ETNK1: variants seen among roughly 807,000 people sequenced by gnomAD.
ETNK1 encodes the protein ethanolamine kinase 1.
In ETNK1, 8 loss-of-function variants were observed where a neutral mutation model predicts 45.1. The observed-to-expected ratio is 0.18, with a 90% CI of 0.10 to 0.32. The LOEUF (loss-of-function observed/expected upper bound fraction) is 0.32, where lower values mean the gene tolerates loss of function less well. ETNK1 is among the 10% of genes least tolerant of loss of function. The probability of loss-of-function intolerance (pLI) is 1.00; values close to 1 mark genes in which losing one functional copy is unlikely to be tolerated. For missense variants in ETNK1, 302 were observed against 430.6 expected, an observed-to-expected ratio of 0.70 and a Z score of 2.64; for synonymous variants, 152 against 151.9, an observed-to-expected ratio of 1.00 and a Z score of -0.01.
intron 1 of ETNK1, among the ~76,000 whole-genome samples, chr12:22,642,267 A>G (rs982094714): frequency 6.6e-6 from 1 of 152,102 alleles, no homozygotes; most frequent in Non-Finnish European, 1.5e-5. Flanking sequence ...GTTACAGAAC[A>G]GCATGTGTGA....
chr12:22,679,075 A>G (rs1034665549), intron 6 of ETNK1, among the ~76,000 whole-genome samples: 1 of 152,202 alleles, frequency 6.6e-6, no homozygotes, highest in African/African-American at 2.4e-5. Flanking sequence ...GTATAAGTGG[A>G]AGGAAGTTTA....
intron 4 of ETNK1, among the ~76,000 whole-genome samples, chr12:22,662,484 T>C (rs1208379007): frequency 1.3e-5 from 2 of 150,498 alleles, no homozygotes; most frequent in Non-Finnish European, 2.9e-5. Context: ...AGCCTTCAAC[T>C]CTTGGGCTCA....
chr12:22,652,070 GACT>G (rs1437849753), intron 2 of ETNK1, among the ~76,000 whole-genome samples: 2 of 152,024 alleles, frequency 1.3e-5, no homozygotes, highest in Non-Finnish European at 2.9e-5. Context: ...CTAGGAATTT[GACT>G]ACTTAGGTAC....
At chr12:22,632,546 G>A (rs543274491) in intron 1 of ETNK1, among the ~76,000 whole-genome samples, 1 of 151,502 alleles carries the variant, frequency 6.6e-6, no homozygotes, top group East Asian at 1.9e-4. Flanking sequence ...GTCTCATACT[G>A]TTATCCAGGC....
intron 1 of ETNK1, among the ~76,000 whole-genome samples, chr12:22,627,190 T>A (rs1189890782): frequency 1.3e-5 from 2 of 151,972 alleles, no homozygotes; most frequent in Admixed American, 1.3e-4. Flanking sequence ...CCATATTAGG[T>A]AGGCACTATC....
At chr12:22,683,525 T>C (rs1240019424) in intron 6 of ETNK1, among the ~76,000 whole-genome samples, 1 of 152,170 alleles carries the variant, frequency 6.6e-6, no homozygotes, top group Non-Finnish European at 1.5e-5. Flanking sequence ...ACAGAATGGC[T>C]AATATTCCCA....
At chr12:22,636,731 A>G (rs1381046270) in intron 1 of ETNK1, among the ~76,000 whole-genome samples, 1 of 152,156 alleles carries the variant, frequency 6.6e-6, no homozygotes, top group Non-Finnish European at 1.5e-5. Context: ...TTTTCTTGTC[A>G]TTATTCCTTA....
At position 22,688,854 on chromosome 12, in the gene ETNK1, A is replaced by G. The variant is rs1954281936; in HGVS notation, c.*3900A>G. 2.0e-5 allele frequency: 3 copies of G among 152,060 alleles called. No homozygotes were observed. 9.4% of individuals were successfully genotyped at this position (152,060 alleles called of 1,614,324 possible). A position where few individuals can be genotyped will look rare whatever the true frequency, so the allele number is the denominator to read the frequency against. The stretch of plus-strand genomic sequence containing the variant: ...ACTGGGAATTTAGTTATGTATTAAG[A>G]TAACCTGTTTTCAGTTCTTTTTGAA... On this transcript the variant is annotated 3_prime_UTR_variant, in exon 8 of 8. Coordinates refer to ENST00000266517, the MANE Select transcript of ETNK1 (RefSeq NM_018638.5).
At chr12:22,637,228 A>G (rs1055343768) in intron 1 of ETNK1, among the ~76,000 whole-genome samples, 1 of 152,198 alleles carries the variant, frequency 6.6e-6, no homozygotes, top group Non-Finnish European at 1.5e-5. Context: ...CATAGAGTTC[A>G]CGTTGTTTGT....
intron 1 of ETNK1, among the ~76,000 whole-genome samples, chr12:22,638,255 GTT>G (rs35937176): frequency 3.6e-4 from 51 of 142,922 alleles, no homozygotes; most frequent in African/African-American, 8.9e-4. Context: ...TTAAGGTGGG[GTT>G]TTTTTTTTTT....
chr12:22,659,199 C>T (rs1473103310), intron 3 of ETNK1, 45 bp downstream of exon 3: 1 of 1,558,412 alleles, frequency 6.4e-7, no homozygotes, highest in East Asian at 2.3e-5. Context: ...CATTGCTTTG[C>T]TCTATGATAG....
chr12:22,630,462 A>C (rs1953561780), intron 1 of ETNK1, among the ~76,000 whole-genome samples: 1 of 152,174 alleles, frequency 6.6e-6, no homozygotes, highest in Non-Finnish European at 1.5e-5. Flanking sequence ...TAAGCTTTGA[A>C]GGGTAGATGA....
Position 22,643,791 on chromosome 12 carries a change from T to G in ETNK1, c.185T>G (p.Leu62Arg). The change falls in exon 2 of 8, where the codon CTT becomes CGT. Residue 62 changes from leucine to arginine, a missense_variant. Physicochemically the swap from Leu to Arg is moderately radical, Grantham distance 102. Around this residue, in one of 3 missense-constraint regions of ETNK1, gnomAD observed 205 missense variants for 259.9 expected, o/e 0.79. Transcript: ENST00000266517. Reference sequence around the variant, plus strand: ...TTCACAGATGGAATCACAAATAAACTTATTGGCTGTTACGTGGGAAACACC... The same window carrying G: ...TTCACAGATGGAATCACAAATAAACGTATTGGCTGTTACGTGGGAAACACC... ...QLFTDGITNKLIGCYVGNTME... is the reference protein window; with the variant it reads ...QLFTDGITNKRIGCYVGNTME... 1 of 1,612,718 alleles carries G rather than the reference T, an allele frequency of 6.2e-7. No individual in the cohort carries two copies. The highest frequency in any genetic ancestry group is 8.5e-7 in the Non-Finnish European group (1 of 1,179,122).
chr12:22,637,895 TAAG>T (rs978760585), intron 1 of ETNK1, among the ~76,000 whole-genome samples: 3 of 152,068 alleles, frequency 2.0e-5, no homozygotes, highest in Non-Finnish European at 4.4e-5. Context: ...GTGAAGGAAA[TAAG>T]AAAGCTCAGT....
At position 22,687,002 on chromosome 12, in the gene ETNK1, C is replaced by T. The variant is rs1337501078; in HGVS notation, c.*2048C>T. 6.6e-6 allele frequency: 1 copy of T among 151,414 alleles called. No individual in the cohort carries two copies. Among genetic ancestry groups the T allele is most frequent in the African/African-American group, 2.4e-5 (1 of 41,286 alleles). The allele number at this position is 151,414 out of a possible 1,614,324, so 9.4% of individuals were successfully genotyped here. A position where few individuals can be genotyped will look rare whatever the true frequency, so the allele number is the denominator to read the frequency against. ...TATTTTGAATAGAGGTTCACTGAGCCATTGCTGATAGACTGTGCATAGCTA... is the reference window on the plus strand; with the variant it reads ...TATTTTGAATAGAGGTTCACTGAGCTATTGCTGATAGACTGTGCATAGCTA... On this transcript the variant is annotated 3_prime_UTR_variant, in exon 8 of 8. Coordinates refer to ENST00000266517, the MANE Select transcript of ETNK1 (RefSeq NM_018638.5).
chr12:22,670,383 T>C (rs1954096315), intron 4 of ETNK1, among the ~76,000 whole-genome samples: 1 of 147,446 alleles, frequency 6.8e-6, no homozygotes, highest in Non-Finnish European at 1.5e-5. Flanking sequence ...TTTTTTTTTT[T>C]AAGGTTTCTC....
rs1019208685 is a variant in ETNK1, at chr12:22,658,909, A to G, written c.417-105A>G. On this transcript the variant is annotated intron_variant, in intron 2 of 7. Transcript: ENST00000266517. ...AAGAGAGAGCACAGGTAGGTCTACA[A>G]GAAGATTCGGGAGACTGACTAAAGT... 3.4e-5 allele frequency: 41 copies of G among 1,196,048 alleles called. No homozygotes were observed. The African/African-American group carries it at 5.3e-4, about 16-fold the overall frequency. 74.1% of individuals were successfully genotyped at this position (1,196,048 alleles called of 1,614,324 possible).
chr12:22,681,431 G>T (rs1954214832), intron 6 of ETNK1, among the ~76,000 whole-genome samples: 1 of 152,022 alleles, frequency 6.6e-6, no homozygotes, highest in African/African-American at 2.4e-5. Context: ...TTAGTAGGAA[G>T]AAGAGATTAG....
chr12:22,658,460 G>C, intron 2 of ETNK1, among the ~76,000 whole-genome samples: 1 of 152,196 alleles, frequency 6.6e-6, no homozygotes, highest in East Asian at 1.9e-4. Context: ...CCTGGGTCCA[G>C]TGATGAATCT....
Sources: gnomAD v4.1 joint callset for allele counts (sites outside exome capture counted in the v4.1 genomes callset) on GRCh38, gnomAD v4.1.1 for gene constraint, gnomAD v4.1.1 regional missense constraint, MANE v1.5 for transcripts, NCBI Gene and HGNC (gene_info 2026-07-23, HGNC 2026-07-21) for gene names.